Variants in MAGI2 observed in about 807,000 individuals in gnomAD.
MAGI2 encodes the protein membrane associated guanylate kinase, WW and PDZ domain containing 2.
A neutral mutation model predicts 133.3 loss-of-function variants in MAGI2; 35 were observed. The ratio of observed to expected loss-of-function variants is 0.26; its 90% confidence interval spans 0.20 to 0.35. The LOEUF (loss-of-function observed/expected upper bound fraction) is 0.35. MAGI2 is among the 10% of genes least tolerant of loss of function. The probability of loss-of-function intolerance (pLI) is 1.00; values close to 1 mark genes in which losing one functional copy is unlikely to be tolerated. For synonymous variants in MAGI2, 729 were observed against 710.6 expected, an observed-to-expected ratio of 1.03 and a Z score of -0.41; for missense variants, 1,636 against 1,863.4, an observed-to-expected ratio of 0.88 and a Z score of 2.25.
At chr7:78,971,275 C>T (rs1357354481) in intron 2 of MAGI2, among the ~76,000 whole-genome samples, 1 of 152,026 alleles carries the variant, frequency 6.6e-6, no homozygotes, top group Non-Finnish European at 1.5e-5. Context: ...TAACTCATTA[C>T]TTCCCATTGT....
chr7:78,747,957 T>C (rs1018040490), intron 2 of MAGI2, among the ~76,000 whole-genome samples: 1 of 152,190 alleles, frequency 6.6e-6, no homozygotes, highest in African/African-American at 2.4e-5. Context: ...ACTTCAGAAT[T>C]CTGTGGTACT....
At chr7:78,351,324 C>T (rs560055557) in intron 7 of MAGI2, among the ~76,000 whole-genome samples, 2 of 151,882 alleles carry the variant, frequency 1.3e-5, no homozygotes, top group Non-Finnish European at 2.9e-5. Flanking sequence ...CTGGGCAACA[C>T]GGCAAAATCC....
intron 9 of MAGI2, among the ~76,000 whole-genome samples, chr7:78,303,334 G>T (rs1373380835): frequency 7.2e-6 from 1 of 139,248 alleles, no homozygotes; most frequent in African/African-American, 2.7e-5. Flanking sequence ...AGCCAAGATT[G>T]CGCCATTGTA....
chr7:78,573,318 AT>A (rs1276226096), intron 3 of MAGI2, among the ~76,000 whole-genome samples: 1 of 71,530 alleles, frequency 1.4e-5, no homozygotes, highest in African/African-American at 7.0e-5. Flanking sequence ...ATATAAATAT[AT>A]AAATATATAT....
intron 2 of MAGI2, among the ~76,000 whole-genome samples, chr7:78,637,418 C>A (rs748590799): frequency 6.9e-6 from 1 of 145,332 alleles, no homozygotes. Flanking sequence ...AGCAGTGATA[C>A]ATGATAATAT....
chr7:79,368,430 ACAT>A (rs1302800852), intron 1 of MAGI2, among the ~76,000 whole-genome samples: 1 of 152,182 alleles, frequency 6.6e-6, no homozygotes, highest in Non-Finnish European at 1.5e-5. Flanking sequence ...GTCCTTTGCA[ACAT>A]GAGTGGGTTA....
intron 16 of MAGI2, among the ~76,000 whole-genome samples, chr7:78,150,553 C>T (rs1003931022): frequency 6.6e-6 from 1 of 152,166 alleles, no homozygotes; most frequent in South Asian, 2.1e-4. Context: ...TCATCCTGTA[C>T]ATGATGCCTG....
chr7:78,643,086 A>G (rs1168967242), intron 2 of MAGI2, among the ~76,000 whole-genome samples: 3 of 152,232 alleles, frequency 2.0e-5, no homozygotes, highest in Non-Finnish European at 4.4e-5. Context: ...TGATCATTAC[A>G]CATTGTATAC....
At chr7:79,421,720 C>CTG (rs1846971878) in intron 1 of MAGI2, among the ~76,000 whole-genome samples, 1 of 151,876 alleles carries the variant, frequency 6.6e-6, no homozygotes, top group African/African-American at 2.4e-5. Context: ...AGCCATTACT[C>CTG]TGAAAAGAAT....
chr7:78,440,055 CATTAT>C (rs1400503406), intron 6 of MAGI2, among the ~76,000 whole-genome samples: 2 of 151,322 alleles, frequency 1.3e-5, no homozygotes, highest in African/African-American at 4.9e-5. Flanking sequence ...TAATGGCTCC[CATTAT>C]ATTTAAAGTC....
intron 20 of MAGI2, among the ~76,000 whole-genome samples, chr7:78,096,413 A>G (rs1817694933): frequency 1.3e-5 from 2 of 152,256 alleles, no homozygotes; most frequent in African/African-American, 4.8e-5. Context: ...ACCTTAGCAC[A>G]GTGCCTGACA....
rs1179887395 is a variant in MAGI2 at position 79,226,680 on chromosome 7, T to C, written c.302-219474A>G. On this transcript the variant is annotated intron_variant, in intron 1 of 21. Transcript: ENST00000354212. ...CTTCCACCCTTCCTTCCTATTTTAGTTACCAAGGATCAATAAATGGAGTCA... is the reference window on the plus strand; with the variant it reads ...CTTCCACCCTTCCTTCCTATTTTAGCTACCAAGGATCAATAAATGGAGTCA... Among the ~76,000 whole-genome samples the C allele has an allele frequency of 2.6e-5, 4 of 152,290 alleles. No homozygotes were observed. In the East Asian group the frequency reaches 7.7e-4, roughly 29 times the overall value.
chr7:78,358,238 G>A (rs1159966359), intron 7 of MAGI2: 2 of 114,544 alleles, frequency 1.7e-5, no homozygotes, highest in Non-Finnish European at 3.4e-5. Flanking sequence ...TATGGACAGA[G>A]AGAACTATCT....
intron 10 of MAGI2, among the ~76,000 whole-genome samples, chr7:78,207,895 T>A (rs936921375): frequency 3.9e-5 from 6 of 152,128 alleles, no homozygotes; most frequent in Admixed American, 2.6e-4. Context: ...TTTGTTTTGT[T>A]AAGATGGAGT....
At chr7:79,382,471 A>G (rs1843860573) in intron 1 of MAGI2, among the ~76,000 whole-genome samples, 1 of 151,580 alleles carries the variant, frequency 6.6e-6, no homozygotes, top group South Asian at 2.1e-4. Flanking sequence ...CTTGGGGTTA[A>G]GCCTACAGTA....
intron 2 of MAGI2, among the ~76,000 whole-genome samples, chr7:78,665,431 G>C (rs1282733441): frequency 6.6e-6 from 1 of 152,134 alleles, no homozygotes; most frequent in Non-Finnish European, 1.5e-5. Flanking sequence ...GCAAAGGATG[G>C]AGAAACAATG....
intron 3 of MAGI2, among the ~76,000 whole-genome samples, chr7:78,544,378 A>G (rs551620843): frequency 6.6e-6 from 1 of 152,336 alleles, no homozygotes; most frequent in East Asian, 1.9e-4. Context: ...TCCAGCCTTT[A>G]TAAAATGGGT....
Position 78,018,004 on chromosome 7 carries a change from A to C in MAGI2, c.*1311T>G, listed in dbSNP as rs1807929446. The C allele has an allele frequency of 6.6e-6, 1 of 152,252 alleles. No individual in the cohort carries two copies. The highest frequency in any genetic ancestry group is 2.1e-4 in the South Asian group (1 of 4,828). 9.4% of individuals were successfully genotyped at this position (152,252 alleles called of 1,614,324 possible). A position where few individuals can be genotyped will look rare whatever the true frequency, so the allele number is the denominator to read the frequency against. On this transcript the variant is annotated 3_prime_UTR_variant, in exon 22 of 22. Coordinates refer to ENST00000354212, the MANE Select transcript of MAGI2 (RefSeq NM_012301.4). ...TAGCTACAGTAAGTACCAATGGCTA[A>C]TTAATTGAAGCTAACATTTTACAAA...
At chr7:78,478,171 T>C (rs1410378264) in intron 6 of MAGI2, among the ~76,000 whole-genome samples, 1 of 151,812 alleles carries the variant, frequency 6.6e-6, no homozygotes, top group Non-Finnish European at 1.5e-5. Flanking sequence ...ATTTGGTATT[T>C]GGTATGCGGA....
Sources: gnomAD v4.1 joint callset for allele counts (sites outside exome capture counted in the v4.1 genomes callset) on GRCh38, gnomAD v4.1.1 for gene constraint, MANE v1.5 for transcripts, NCBI Gene and HGNC (gene_info 2026-07-23, HGNC 2026-07-21) for gene names.